Variants in TRPM2 observed in about 807,000 individuals in gnomAD.
TRPM2 encodes transient receptor potential cation channel subfamily M member 2, also known as estrogen-responsive element-associated gene 1 protein.
A neutral mutation model predicts 174.0 loss-of-function variants in TRPM2; 161 were observed. The observed-to-expected ratio is 0.93, with a 90% CI of 0.81 to 1.05. The LOEUF is 1.05. Ranked by LOEUF, TRPM2 falls within the 50% of genes least tolerant of loss-of-function variation. TRPM2 has a pLI of 0.00. For missense variants in TRPM2, 2,057 were observed against 2,038.0 expected, an observed-to-expected ratio of 1.01 and a Z score of -0.18; for synonymous variants, 954 against 861.3, an observed-to-expected ratio of 1.11 and a Z score of -1.88.
chr21:44,420,286 G>C (rs1193053519), intron 22 of TRPM2, among the ~76,000 whole-genome samples: 2 of 152,146 alleles, frequency 1.3e-5, no homozygotes, highest in African/African-American at 4.8e-5. Flanking sequence ...TGTCGTTCTG[G>C]AATCTGGATG....
intron 2 of TRPM2, among the ~76,000 whole-genome samples, chr21:44,361,261 C>T (rs373904890): frequency 4.6e-5 from 7 of 152,254 alleles, no homozygotes; most frequent in South Asian, 4.1e-4. Context: ...TACAGGCATG[C>T]GCCACCACGC....
chr21:44,437,201 G>C lies in TRPM2; in HGVS notation c.4167+34G>C. ...GCCGCGTGTGGGACCTCTGTCCACT[G>C]GGCTGTCTGTGGGTCACTCGTCCAT... On this transcript the variant is annotated intron_variant, in intron 29 of 31. Coordinates refer to ENST00000397928, the MANE Select transcript of TRPM2 (RefSeq NM_003307.4). 2.0e-6 allele frequency: 3 copies of C among 1,527,916 alleles called. 1 individual carries two copies. In the South Asian group the frequency reaches 3.6e-5, roughly 18 times the overall value. The allele number at this position is 1,527,916 out of a possible 1,614,324, so 94.6% of individuals were successfully genotyped here.
At position 44,391,092 on chromosome 21, in the gene TRPM2, G is replaced by A; in HGVS notation, c.1440+67G>A. Reference sequence around the variant, plus strand: ...CACATGCATTGCACCACTGAAGCAAGGGCAGGCAAAGTTCGCATTGTCTGG... The same window carrying A: ...CACATGCATTGCACCACTGAAGCAAAGGCAGGCAAAGTTCGCATTGTCTGG... On this transcript the variant is annotated intron_variant, in intron 10 of 31. Transcript: ENST00000397928. The surrounding 1 kb of genome is among the most constrained non-coding windows in gnomAD (Gnocchi z 5.0). 2 of 1,604,144 alleles carry A rather than the reference G, an allele frequency of 1.2e-6. No individual in the cohort carries two copies. Among genetic ancestry groups the A allele is most frequent in the African/African-American group, 1.3e-5 (1 of 74,858 alleles).
rs146027426 is a variant in TRPM2 at position 44,353,800 on chromosome 21, C to T, written c.100C>T (p.Arg34Trp). The T allele has an allele frequency of 1.2e-5, 19 of 1,601,888 alleles. No homozygotes were observed. The highest frequency in any genetic ancestry group is 5.4e-5 in the African/African-American group (4 of 73,960). The change falls in exon 1 of 32, where the codon CGG (arginine) becomes TGG (tryptophan). Residue 34 changes from arginine (R) to tryptophan (W), a missense_variant. Coordinates refer to ENST00000397928, the MANE Select transcript of TRPM2 (RefSeq NM_003307.4). ...TGACCTGGGGATGGTCTCCAATCTCCGGCGCAGCAACAGCAGCCTCTTCAA... is the reference window on the plus strand; with the variant it reads ...TGACCTGGGGATGGTCTCCAATCTCTGGCGCAGCAACAGCAGCCTCTTCAA... ...VTDLGMVSNL[R>W]RSNSSLFKSW... is the part of the protein sequence containing the mutation.
chr21:44,415,088 A>C (rs557981157), intron 20 of TRPM2: 3 of 152,252 alleles, frequency 2.0e-5, no homozygotes, highest in African/African-American at 7.2e-5. Context: ...GCTCCGATCC[A>C]TCTGTGGACG....
intron 9 of TRPM2, 29 bp downstream of exon 9, chr21:44,382,849 G>A (rs774760047): frequency 1.3e-6 from 2 of 1,594,186 alleles, no homozygotes; most frequent in African/African-American, 2.7e-5. Flanking sequence ...GGGGGCAATG[G>A]GGTGGAGGCC....
intron 12 of TRPM2, 30 bp downstream of exon 12, chr21:44,395,581 G>C (rs1699434225): frequency 6.2e-7 from 1 of 1,612,010 alleles, no homozygotes; most frequent in African/African-American, 1.3e-5. Context: ...AGTCTCAGCA[G>C]ACACAGCTAT....
intron 2 of TRPM2, among the ~76,000 whole-genome samples, chr21:44,362,891 A>C (rs1427886942): frequency 6.6e-6 from 1 of 151,988 alleles, no homozygotes; most frequent in Non-Finnish European, 1.5e-5. Context: ...CTCCTGCCTC[A>C]GCGTCCCGAG....
Position 44,395,614 on chromosome 21 carries a change from TGTGGCTGGAGAGA to T in TRPM2, c.1932+76_1932+88del, listed in dbSNP as rs377400538. ...TATAGGCCAGCGGCCAGCTGGGGAG[TGTGGCTGGAGAGA>T]GTGGCTGGAGAGCCTGAGGCCAAGT... On this transcript the variant is annotated intron_variant, in intron 12 of 31. Transcript: ENST00000397928. 5 of 1,600,968 alleles carry T rather than the reference TGTGGCTGGAGAGA, an allele frequency of 3.1e-6. No individual in the cohort carries two copies. The African/African-American group carries it at 4.0e-5, about 13-fold the overall frequency.
At chr21:44,407,876 A>ATTT (rs2049959023) in intron 19 of TRPM2, among the ~76,000 whole-genome samples, 1 of 150,960 alleles carries the variant, frequency 6.6e-6, no homozygotes, top group African/African-American at 2.4e-5. Context: ...CTTTTTTTTA[A>ATTT]AAAAAATTAA....
intron 17 of TRPM2, 53 bp downstream of exon 17, chr21:44,405,313 G>A (rs949123990): frequency 6.2e-7 from 1 of 1,604,948 alleles, no homozygotes; most frequent in Non-Finnish European, 8.5e-7. Context: ...AGCCCTGCAG[G>A]GGATGAGCAC....
chr21:44,353,841 G>A lies in TRPM2; in HGVS notation c.141G>A (p.Gln47=). The part of the protein sequence containing the change: ...NSSLFKSWRL[Q]CPFGNNDKQE... Reference sequence around the variant, plus strand: ...GCCTCTTCAAGAGCTGGAGGCTACAGTGCCCCTTCGGCAACAATGACAAGG... The same window carrying A: ...GCCTCTTCAAGAGCTGGAGGCTACAATGCCCCTTCGGCAACAATGACAAGG... Residue 47 remains glutamine (Q), a synonymous_variant, in exon 1 of 32, where the codon CAG becomes CAA. Coordinates refer to ENST00000397928, the MANE Select transcript of TRPM2 (RefSeq NM_003307.4). 1 of 1,600,112 alleles carries A rather than the reference G, an allele frequency of 6.2e-7. No individual in the cohort carries two copies. Among genetic ancestry groups the A allele is most frequent in the Non-Finnish European group, 8.5e-7 (1 of 1,174,426 alleles).
intron 28 of TRPM2, among the ~76,000 whole-genome samples, chr21:44,435,937 G>A (rs1224641427): frequency 7.3e-5 from 10 of 137,756 alleles, no homozygotes; most frequent in African/African-American, 2.6e-4. Flanking sequence ...CAGGGACACA[G>A]CCCCACACTC....
chr21:44,402,020 A>G lies in TRPM2; in HGVS notation c.2538+123A>G. On this transcript the variant is annotated intron_variant, in intron 16 of 31. Coordinates refer to ENST00000397928, the MANE Select transcript of TRPM2 (RefSeq NM_003307.4). ...CTGCCCAGCTCCCTGCAAGCTGAGC[A>G]GAGCCGGTGTTTCCTCCCCAAAATG... is the stretch of plus-strand genomic sequence containing the variant. 5 of 1,147,604 alleles carry G rather than the reference A, an allele frequency of 4.4e-6. No individual in the cohort carries two copies. In the South Asian group the frequency reaches 6.7e-5, roughly 15 times the overall value. 71.1% of individuals were successfully genotyped at this position (1,147,604 alleles called of 1,614,324 possible).
chr21:44,416,855 C>G (rs2050304019), intron 20 of TRPM2: 1 of 211,374 alleles, frequency 4.7e-6, no homozygotes, highest in African/African-American at 2.5e-5. Context: ...TGGCTCTGCT[C>G]TCTGTGGCAT....
intron 27 of TRPM2, among the ~76,000 whole-genome samples, chr21:44,429,900 T>C (rs1272148492): frequency 6.6e-6 from 1 of 152,228 alleles, no homozygotes; most frequent in Non-Finnish European, 1.5e-5. Flanking sequence ...ATTTCACCAT[T>C]AAGTATGGTA....
chr21:44,370,802 A>G (rs1273338976), intron 5 of TRPM2, among the ~76,000 whole-genome samples: 1 of 152,284 alleles, frequency 6.6e-6, no homozygotes, highest in East Asian at 1.9e-4. Flanking sequence ...TGAAAAACTG[A>G]AGCCAGGAGC....
rs565037140 is a variant in TRPM2, at chr21:44,395,319, G to A, written c.1795-95G>A. On this transcript the variant is annotated intron_variant, in intron 11 of 31. Coordinates refer to ENST00000397928, the MANE Select transcript of TRPM2 (RefSeq NM_003307.4). ...GGGACAGTGAGATCCTGAGAAGGTC[G>A]GGGCTGGGGTCAGGGCCTGCACCTC... is the stretch of plus-strand genomic sequence containing the variant. 4.3e-5 allele frequency: 63 copies of A among 1,464,816 alleles called. No individual in the cohort carries two copies. The South Asian group carries it at 4.8e-4, about 11-fold the overall frequency. 90.7% of individuals were successfully genotyped at this position (1,464,816 alleles called of 1,614,324 possible).
chr21:44,406,603 G>GTCT lies in TRPM2; in HGVS notation c.2809_2811dup (p.Phe937dup), dbSNP rs759304969. The GTCT allele has an allele frequency of 6.2e-7, 1 of 1,609,534 alleles. No homozygotes were observed. Among genetic ancestry groups the GTCT allele is most frequent in the Admixed American group, 1.7e-5 (1 of 59,650 alleles). ...ACTCTCTGTCCTGCAGATGAAGGAC[G>GTCT]TCTTCTTCTTCCTCTTCCTGCTGGC... On this transcript the variant is annotated inframe_insertion, in exon 19 of 32. Transcript: ENST00000397928.
Sources: gnomAD v4.1 joint callset for allele counts (sites outside exome capture counted in the v4.1 genomes callset) on GRCh38, gnomAD v4.1.1 for gene constraint, Gnocchi (gnomAD v3.1) non-coding constraint, MANE v1.5 for transcripts, NCBI Gene and HGNC (gene_info 2026-07-23, HGNC 2026-07-21) for gene names.